Variants in VWA8 observed in about 807,000 individuals in gnomAD.
VWA8 encodes the protein von Willebrand factor A domain-containing protein 8.
Under a neutral mutation model 241.5 loss-of-function variants are expected in VWA8, and 221 were observed. The observed-to-expected ratio is 0.91, with a 90% CI of 0.82 to 1.02. The LOEUF (loss-of-function observed/expected upper bound fraction) is 1.02, where lower values mean the gene tolerates loss of function less well. Among genes scored for constraint, VWA8 ranks in the 50% least tolerant of loss-of-function variants. The pLI is 0.00. For missense variants in VWA8, 2,322 were observed against 2,328.7 expected (o/e 1.00, Z 0.06); for synonymous variants, 852 against 827.1 (o/e 1.03, Z -0.52).
chr13:41,834,278 C>A (rs368940642), intron 12 of VWA8, among the ~76,000 whole-genome samples: 7 of 152,264 alleles, frequency 4.6e-5, no homozygotes, highest in African/African-American at 1.4e-4. Context: ...ACAATTTTTT[C>A]TTACATGTGC....
intron 1 of VWA8, among the ~76,000 whole-genome samples, chr13:41,951,374 G>A (rs557367237): frequency 2.6e-5 from 4 of 152,282 alleles, no homozygotes; most frequent in South Asian, 2.1e-4. Flanking sequence ...CCAAGATTAC[G>A]CCACTGCACT....
intron 2 of VWA8, among the ~76,000 whole-genome samples, chr13:41,944,723 G>T (rs1021840259): frequency 6.6e-6 from 1 of 152,104 alleles, no homozygotes; most frequent in Non-Finnish European, 1.5e-5. Context: ...ATCCCTACTT[G>T]ACCTGTCTGG....
In VWA8 at chr13:41,643,200, C is replaced by G. The variant is rs150757259; in HGVS notation, c.4611+27746G>C. On this transcript the variant is annotated intron_variant, in intron 37 of 44. Transcript: ENST00000379310. Reference sequence around the variant, plus strand: ...AACTGCATTTTCTCTTGGGAATAAGCCCTCCACCTTGCATTTCCCTTCTAG... The same window carrying G: ...AACTGCATTTTCTCTTGGGAATAAGGCCTCCACCTTGCATTTCCCTTCTAG... Among the ~76,000 whole-genome samples the G allele has an allele frequency of 1.7e-3, 256 of 152,292 alleles. 1 individual carries two copies. The highest frequency in any genetic ancestry group is 5.9e-3 in the African/African-American group (246 of 41,556).
intron 17 of VWA8, among the ~76,000 whole-genome samples, chr13:41,803,562 A>G (rs1364868900): frequency 1.3e-5 from 2 of 152,158 alleles, no homozygotes; most frequent in East Asian, 1.9e-4. Flanking sequence ...CCCCTTTATA[A>G]AACCACCAGT....
At chr13:41,742,246 G>A (rs1447207440) in intron 21 of VWA8, among the ~76,000 whole-genome samples, 1 of 152,172 alleles carries the variant, frequency 6.6e-6, no homozygotes, top group African/African-American at 2.4e-5. Flanking sequence ...CTAAATGGAT[G>A]TTCCAAAGAT....
At chr13:41,798,384 C>G (rs9315867) in intron 17 of VWA8, among the ~76,000 whole-genome samples, 1 of 152,090 alleles carries the variant, frequency 6.6e-6, no homozygotes, top group East Asian at 1.9e-4. Flanking sequence ...AACTACTAAA[C>G]GTAGTAAGCT....
rs564899963 is a variant in VWA8 at position 41,729,759 on chromosome 13, A to G, written c.2503-82T>C. ...CTTCATTACTTACTGCTTTGGACTT[A>G]TAACAGCTGGCTTTATTTAAGTTAC... On this transcript the variant is annotated intron_variant, in intron 22 of 44. Coordinates refer to ENST00000379310, the MANE Select transcript of VWA8 (RefSeq NM_015058.2). 3.0e-5 allele frequency: 43 copies of G among 1,429,456 alleles called. No individual in the cohort carries two copies. The African/African-American group carries it at 5.2e-4, about 17-fold the overall frequency. 88.5% of individuals were successfully genotyped at this position (1,429,456 alleles called of 1,614,324 possible). A position where few individuals can be genotyped will look rare whatever the true frequency, so the allele number is the denominator to read the frequency against.
rs547535551 is a variant in VWA8 at position 41,869,041 on chromosome 13, G to C, written c.1081-564C>G. ...AAAATTTACTAAATGACAAGAAATG[G>C]AATCACTGAATTCCTGACCTGGTAG... On this transcript the variant is annotated intron_variant, in intron 9 of 44. Coordinates refer to ENST00000379310, the MANE Select transcript of VWA8 (RefSeq NM_015058.2). Among the ~76,000 whole-genome samples the C allele has an allele frequency of 3.3e-5, 5 of 151,796 alleles. No homozygotes were observed. In the East Asian group the frequency reaches 9.7e-4, roughly 29 times the overall value.
intron 14 of VWA8, 134 bp downstream of exon 14, chr13:41,830,395 G>T: frequency 1.5e-6 from 1 of 650,008 alleles, no homozygotes; most frequent in Non-Finnish European, 2.5e-6. Context: ...CCAAAGTAGT[G>T]GCATATCCAG....
chr13:41,800,831 C>CCAT (rs1165159546), intron 17 of VWA8, among the ~76,000 whole-genome samples: 2 of 150,828 alleles, frequency 1.3e-5, no homozygotes, highest in Non-Finnish European at 3.0e-5. Context: ...TAGAAGAGAT[C>CCAT]CATTAAATTT....
rs1336061331 is a variant in VWA8, at chr13:41,592,258, T to C, written c.4987-1493A>G. Among the ~76,000 whole-genome samples the C allele has an allele frequency of 4.7e-5, 6 of 128,234 alleles. No homozygotes were observed. In the South Asian group the frequency reaches 1.0e-3, roughly 22 times the overall value. 84.1% of individuals were successfully genotyped at this position (128,234 alleles called of 152,430 possible). A position where few individuals can be genotyped will look rare whatever the true frequency, so the allele number is the denominator to read the frequency against. ...GCATATTCTCACTCATAGGTGGGAA[T>C]TGAACAATGAGATCACATGGACACA... On this transcript the variant is annotated intron_variant, in intron 40 of 44. Transcript: ENST00000379310.
chr13:41,582,515 G>T (rs2044390071), intron 42 of VWA8, among the ~76,000 whole-genome samples: 1 of 152,162 alleles, frequency 6.6e-6, no homozygotes, highest in South Asian at 2.1e-4. Context: ...GGGCTGGGGA[G>T]TCTCAGATCA....
At chr13:41,641,287 G>T (rs1386043146) in intron 37 of VWA8, among the ~76,000 whole-genome samples, 3 of 152,148 alleles carry the variant, frequency 2.0e-5, no homozygotes, top group Non-Finnish European at 4.4e-5. Flanking sequence ...AACAACTAGA[G>T]CGAGAATTGC....
chr13:41,781,078 T>C (rs1303005127), intron 19 of VWA8, among the ~76,000 whole-genome samples: 1 of 152,234 alleles, frequency 6.6e-6, no homozygotes, highest in Non-Finnish European at 1.5e-5. Context: ...CTCTTTGCCT[T>C]AGTTCTAACT....
Position 41,605,565 on chromosome 13 carries a change from C to T in VWA8, c.4878-289G>A, listed in dbSNP as rs113183685. ...CATTGCCACCATGATCAGTTACAAGCTATGAACAGTGAGTTGGAAAAAAAT... is the reference window on the plus strand; with the variant it reads ...CATTGCCACCATGATCAGTTACAAGTTATGAACAGTGAGTTGGAAAAAAAT... On this transcript the variant is annotated intron_variant, in intron 39 of 44. Coordinates refer to ENST00000379310, the MANE Select transcript of VWA8 (RefSeq NM_015058.2). Among the ~76,000 whole-genome samples the T allele has an allele frequency of 4.0e-3, 602 of 152,204 alleles. 4 individuals are homozygous for T. Among genetic ancestry groups the T allele is most frequent in the African/African-American group, 0.014 (575 of 41,542 alleles).
intron 21 of VWA8, among the ~76,000 whole-genome samples, chr13:41,760,881 ATG>A (rs1369291077): frequency 6.6e-6 from 1 of 152,008 alleles, no homozygotes; most frequent in Non-Finnish European, 1.5e-5. Context: ...TGTTCCTAGA[ATG>A]TAATGTTCAT....
intron 4 of VWA8, chr13:41,905,061 A>T (rs1875643493): frequency 6.6e-6 from 1 of 152,138 alleles, no homozygotes; most frequent in East Asian, 1.9e-4. Context: ...TTAAATTGAG[A>T]GTCGAAGTCA....
intron 37 of VWA8, among the ~76,000 whole-genome samples, chr13:41,646,152 G>A (rs1247760479): frequency 6.6e-6 from 1 of 152,078 alleles, no homozygotes; most frequent in African/African-American, 2.4e-5. Flanking sequence ...TTTTAGTAGA[G>A]AAGGGGTTTC....
chr13:41,606,956 TAATA>T (rs2139657646), intron 39 of VWA8, among the ~76,000 whole-genome samples: 1 of 152,340 alleles, frequency 6.6e-6, no homozygotes, highest in East Asian at 1.9e-4. Context: ...TTTATTGCTT[TAATA>T]GATAGGCCTG....
Sources: allele counts gnomAD v4.1 joint callset (sites outside exome capture counted in the v4.1 genomes callset), GRCh38; gene constraint gnomAD v4.1.1; transcripts MANE v1.5; gene names NCBI Gene and HGNC (gene_info 2026-07-23, HGNC 2026-07-21).